CHMP4B: variants seen among roughly 807,000 people sequenced by gnomAD.
CHMP4B encodes charged multivesicular body protein 4B, also known as SNF7 homolog associated with Alix 1.
A neutral mutation model predicts 25.1 loss-of-function variants in CHMP4B; 1 was observed. The observed-to-expected ratio is 0.04, with a 90% CI of 0.01 to 0.19. CHMP4B has a LOEUF of 0.19. Among genes scored for constraint, CHMP4B ranks in the 10% least tolerant of loss-of-function variants. CHMP4B has a pLI of 1.00. For missense variants in CHMP4B, 151 were observed against 289.7 expected (o/e 0.52, Z 3.48); for synonymous variants, 101 against 115.6 (o/e 0.87, Z 0.81).
At position 33,821,672 on chromosome 20, in the gene CHMP4B, C is replaced by T. The variant is rs147687084; in HGVS notation, c.190+10014C>T. ...GGTATGGTGACTCACACCTGTAATC[C>T]CAGCACTTTGGAAGGTGAGGTGTAA... On this transcript the variant is annotated intron_variant, in intron 1 of 4. Coordinates refer to ENST00000217402, the MANE Select transcript of CHMP4B (RefSeq NM_176812.5). Among the ~76,000 whole-genome samples, 108 of 152,180 alleles carry T rather than the reference C, an allele frequency of 7.1e-4. No homozygotes were observed. In the East Asian group the frequency reaches 0.013, roughly 18 times the overall value.
chr20:33,837,879 C>T (rs1979430901), intron 1 of CHMP4B, among the ~76,000 whole-genome samples: 1 of 152,204 alleles, frequency 6.6e-6, no homozygotes, highest in Non-Finnish European at 1.5e-5. Flanking sequence ...GTGTTTGTTT[C>T]AATCCTGTTA....
chr20:33,846,163 G>A (rs755731283), intron 1 of CHMP4B, among the ~76,000 whole-genome samples: 10 of 152,124 alleles, frequency 6.6e-5, no homozygotes, highest in Non-Finnish European at 1.3e-4. Flanking sequence ...ATAATGGCAG[G>A]GCAGGGACTT....
At chr20:33,843,141 G>A (rs1979589307) in intron 1 of CHMP4B, among the ~76,000 whole-genome samples, 1 of 152,240 alleles carries the variant, frequency 6.6e-6, no homozygotes, top group African/African-American at 2.4e-5. Context: ...TAGGGTATCT[G>A]TTCTGTATCC....
At chr20:33,817,491 A>G (rs1321698240) in intron 1 of CHMP4B, among the ~76,000 whole-genome samples, 5 of 152,042 alleles carry the variant, frequency 3.3e-5, no homozygotes, top group African/African-American at 1.2e-4. Context: ...GCTTGGAGAA[A>G]CCTTGAGTTG....
At chr20:33,844,804 G>C (rs1047341142) in intron 1 of CHMP4B, among the ~76,000 whole-genome samples, 1 of 151,256 alleles carries the variant, frequency 6.6e-6, no homozygotes, top group African/African-American at 2.4e-5. Context: ...TGTCGCCCAG[G>C]CTGGAGTGCA....
chr20:33,843,248 A>G (rs911172191), intron 1 of CHMP4B, among the ~76,000 whole-genome samples: 3 of 152,202 alleles, frequency 2.0e-5, no homozygotes, highest in Non-Finnish European at 2.9e-5. Flanking sequence ...TTCAGCTTTC[A>G]CAGCCAATAA....
chr20:33,838,871 C>T (rs1979459509), intron 1 of CHMP4B, among the ~76,000 whole-genome samples: 1 of 152,128 alleles, frequency 6.6e-6, no homozygotes, highest in Non-Finnish European at 1.5e-5. Context: ...CTTTGGGGAG[C>T]AGGAGGAGGC....
In CHMP4B at chr20:33,854,338, T is replaced by C. The variant is rs1047828461; in HGVS notation, c.*778T>C. On this transcript the variant is annotated 3_prime_UTR_variant, in exon 5 of 5. Coordinates refer to ENST00000217402, the MANE Select transcript of CHMP4B (RefSeq NM_176812.5). ...TCAGATGAAATTATGGTTTGCACTG[T>C]CTATTAAATATCTCGATTAATTTTC... The C allele has an allele frequency of 1.2e-4, 19 of 152,888 alleles. No individual in the cohort carries two copies. The highest frequency in any genetic ancestry group is 4.3e-4 in the African/African-American group (18 of 41,588). 9.5% of individuals were successfully genotyped at this position (152,888 alleles called of 1,614,324 possible). A position where few individuals can be genotyped will look rare whatever the true frequency, so the allele number is the denominator to read the frequency against.
intron 4 of CHMP4B, among the ~76,000 whole-genome samples, chr20:33,853,196 C>CCTTGCAGG (rs753935631): frequency 6.0e-4 from 92 of 152,206 alleles, no homozygotes; most frequent in Non-Finnish European, 1.2e-3. Flanking sequence ...TCTCCTCCCA[C>CCTTGCAGG]CTTGCAGGCT....
rs746862414 is a variant in CHMP4B, at chr20:33,853,578, T to C, written c.*18T>C. ...CCATGTAATGGGGTCCAGCGCTGGC[T>C]GGGCCCAGACAGACTGTGGTGGCCT... On this transcript the variant is annotated 3_prime_UTR_variant, in exon 5 of 5. Coordinates refer to ENST00000217402, the MANE Select transcript of CHMP4B (RefSeq NM_176812.5). 13 of 1,612,432 alleles carry C rather than the reference T, an allele frequency of 8.1e-6. No individual in the cohort carries two copies. The highest frequency in any genetic ancestry group is 1.0e-5 in the Non-Finnish European group (12 of 1,178,652).
chr20:33,844,589 T>G (rs2093841183), intron 1 of CHMP4B, among the ~76,000 whole-genome samples: 1 of 152,072 alleles, frequency 6.6e-6, no homozygotes, highest in South Asian at 2.1e-4. Flanking sequence ...CAGTGGAAAA[T>G]ATATTGGAGA....
chr20:33,848,805 G>T (rs781429728), intron 2 of CHMP4B, among the ~76,000 whole-genome samples, 161 bp downstream of exon 2: 1 of 152,196 alleles, frequency 6.6e-6, no homozygotes, highest in Non-Finnish European at 1.5e-5. Flanking sequence ...AATGGATGAC[G>T]TGCCTTTGAA....
intron 1 of CHMP4B, among the ~76,000 whole-genome samples, chr20:33,827,898 T>C (rs930145407): frequency 6.6e-6 from 1 of 152,216 alleles, no homozygotes; most frequent in Non-Finnish European, 1.5e-5. Flanking sequence ...CTGGCCTGAC[T>C]TGAGTCATTT....
chr20:33,823,252 T>C (rs1978996838), intron 1 of CHMP4B, among the ~76,000 whole-genome samples: 1 of 152,136 alleles, frequency 6.6e-6, no homozygotes, highest in Admixed American at 6.5e-5. Context: ...CAACTCCATG[T>C]GTGAGTGGTA....
intron 4 of CHMP4B, 118 bp downstream of exon 4, chr20:33,852,321 T>A: frequency 8.3e-7 from 1 of 1,211,494 alleles, no homozygotes; most frequent in Non-Finnish European, 1.2e-6. Context: ...CTTTGGTCTG[T>A]GTCCTGAGCT....
At chr20:33,830,951 G>GTTTTTTTTTTT (rs1555792014) in intron 1 of CHMP4B, among the ~76,000 whole-genome samples, 36 of 73,034 alleles carry the variant, frequency 4.9e-4, no homozygotes, top group Middle Eastern at 0.011. Context: ...TTTTTTTTTA[G>GTTTTTTTTTTT]TTTTTTTGAG....
intron 1 of CHMP4B, among the ~76,000 whole-genome samples, chr20:33,840,354 C>T (rs933677867): frequency 2.6e-5 from 4 of 151,976 alleles, no homozygotes; most frequent in South Asian, 2.1e-4. Flanking sequence ...ACAGGCAAGA[C>T]GGAGGAGAGA....
At chr20:33,812,685 T>G (rs1978667835) in intron 1 of CHMP4B, among the ~76,000 whole-genome samples, 1 of 152,230 alleles carries the variant, frequency 6.6e-6, no homozygotes, top group South Asian at 2.1e-4. Context: ...GGTTTAGGAT[T>G]GAGGTAATTC....
chr20:33,838,284 A>G (rs1335623646), intron 1 of CHMP4B, among the ~76,000 whole-genome samples: 1 of 152,148 alleles, frequency 6.6e-6, no homozygotes. Flanking sequence ...TTTCCTCCGG[A>G]TGTAAGATTA....
Sources: allele counts gnomAD v4.1 joint callset (sites outside exome capture counted in the v4.1 genomes callset), GRCh38; gene constraint gnomAD v4.1.1; transcripts MANE v1.5; gene names NCBI Gene and HGNC (gene_info 2026-07-23, HGNC 2026-07-21).